The following LRP6 variants were observed in gnomAD, a reference collection of about 807,000 sequenced individuals.
The protein encoded by LRP6 is LDL receptor related protein 6, also known as low-density lipoprotein receptor-related protein 6.
LRP6 carries 43 observed loss-of-function variants against 184.1 expected under a neutral mutation model. That is an observed-to-expected ratio of 0.23 (90% CI 0.18 to 0.30). The LOEUF (loss-of-function observed/expected upper bound fraction) is 0.30. Ranked by LOEUF, LRP6 falls within the 10% of genes least tolerant of loss-of-function variation. LRP6 has a pLI of 1.00. For missense variants in LRP6, 1,571 were observed against 2,005.3 expected (o/e 0.78, Z 4.14); for synonymous variants, 719 against 684.9 (o/e 1.05, Z -0.78).
intron 12 of LRP6, among the ~76,000 whole-genome samples, chr12:12,152,437 C>T (rs1950094724): frequency 6.6e-6 from 1 of 152,120 alleles, no homozygotes; most frequent in Non-Finnish European, 1.5e-5. Flanking sequence ...CAGGTGCCCA[C>T]CACCATGCCC....
Position 12,266,988 on chromosome 12 carries a change from G to C in LRP6, c.-253C>G, listed in dbSNP as rs576434006. The stretch of plus-strand genomic sequence containing the variant: ...CCGCCGCCTCCTCCCCCGGCGCCCC[G>C]CTTCCCCCGCGCAGCTCCTCATTCA... On this transcript the variant is annotated 5_prime_UTR_variant, in exon 1 of 23. Coordinates refer to ENST00000261349, the MANE Select transcript of LRP6 (RefSeq NM_002336.3). 2 of 530,146 alleles carry C rather than the reference G, an allele frequency of 3.8e-6. No homozygotes were observed. The highest frequency in any genetic ancestry group is 6.6e-6 in the Non-Finnish European group (2 of 303,858). 32.8% of individuals were successfully genotyped at this position (530,146 alleles called of 1,614,324 possible).
chr12:12,157,929 T>C (rs187869068), intron 12 of LRP6, among the ~76,000 whole-genome samples: 1 of 152,162 alleles, frequency 6.6e-6, no homozygotes, highest in East Asian at 1.9e-4. Flanking sequence ...GTTGTTAGTG[T>C]TATGTGTGTA....
At chr12:12,154,231 T>G (rs1950119628) in intron 12 of LRP6, among the ~76,000 whole-genome samples, 1 of 145,894 alleles carries the variant, frequency 6.9e-6, no homozygotes, top group South Asian at 2.3e-4. Flanking sequence ...ACCTTTTGCA[T>G]TTACTATCCC....
chr12:12,118,762 A>G lies in LRP6; in HGVS notation c.*2364T>C, dbSNP rs1016552647. 5 of 152,234 alleles carry G rather than the reference A, an allele frequency of 3.3e-5. No individual in the cohort carries two copies. Among genetic ancestry groups the G allele is most frequent in the Admixed American group, 6.5e-5 (1 of 15,286 alleles). The allele number at this position is 152,234 out of a possible 1,614,324, so 9.4% of individuals were successfully genotyped here. A position where few individuals can be genotyped will look rare whatever the true frequency, so the allele number is the denominator to read the frequency against. On this transcript the variant is annotated 3_prime_UTR_variant, in exon 23 of 23. Transcript: ENST00000261349. Reference sequence around the variant, plus strand: ...GAAAGAGAACACTGAGATTAGGCTGAACTGCCTTCAAATAATTTTAAACAA... The same window carrying G: ...GAAAGAGAACACTGAGATTAGGCTGGACTGCCTTCAAATAATTTTAAACAA...
chr12:12,129,524 G>A (rs1164994803), intron 19 of LRP6, among the ~76,000 whole-genome samples: 1 of 152,014 alleles, frequency 6.6e-6, no homozygotes, highest in Admixed American at 6.6e-5. Flanking sequence ...TCTACATGAT[G>A]AACACTATTC....
At chr12:12,246,220 G>C (rs1347994322) in intron 1 of LRP6, among the ~76,000 whole-genome samples, 1 of 151,620 alleles carries the variant, frequency 6.6e-6, no homozygotes, top group Non-Finnish European at 1.5e-5. Context: ...TGACCAGGCT[G>C]GTCTTGAACT....
intron 16 of LRP6, 95 bp from the exon 17 acceptor site, chr12:12,135,395 AT>A: frequency 2.6e-6 from 2 of 754,774 alleles, no homozygotes; most frequent in Middle Eastern, 2.7e-4. Context: ...TGTCAAAACT[AT>A]TTATGAAAAT....
chr12:12,188,079 G>A (rs575925703), intron 3 of LRP6, among the ~76,000 whole-genome samples: 2 of 152,076 alleles, frequency 1.3e-5, no homozygotes, highest in African/African-American at 4.8e-5. Context: ...AGGCGTGGTG[G>A]TGGGCGCCTG....
rs768569381 is a variant in LRP6 at position 12,121,079 on chromosome 12, T to C, written c.*47A>G. On this transcript the variant is annotated 3_prime_UTR_variant, in exon 23 of 23. Coordinates refer to ENST00000261349, the MANE Select transcript of LRP6 (RefSeq NM_002336.3). ...CCCCTCCAGATCTCAACCAAATTTA[T>C]ATTTACATTTTTACGTTGGAGGCAG... 3.3e-6 allele frequency: 5 copies of C among 1,518,326 alleles called. No homozygotes were observed. In the Middle Eastern group the frequency reaches 7.2e-4, roughly 217 times the overall value. The allele number at this position is 1,518,326 out of a possible 1,614,324, so 94.1% of individuals were successfully genotyped here.
Position 12,193,259 on chromosome 12 carries a change from TAGAAA to T in LRP6, c.648-6145_648-6141del, listed in dbSNP as rs1174543318. Among the ~76,000 whole-genome samples the T allele has an allele frequency of 4.0e-5, 6 of 151,438 alleles. No homozygotes were observed. In the South Asian group the frequency reaches 1.2e-3, roughly 31 times the overall value. ...GTATATAGAATACTAATGCCTATAC[TAGAAA>T]AGAAGAGAGATTACAAATCAATTAT... On this transcript the variant is annotated intron_variant, in intron 3 of 22. Coordinates refer to ENST00000261349, the MANE Select transcript of LRP6 (RefSeq NM_002336.3).
intron 2 of LRP6, among the ~76,000 whole-genome samples, chr12:12,233,476 A>G (rs1386577602): frequency 6.6e-6 from 1 of 152,174 alleles, no homozygotes; most frequent in Non-Finnish European, 1.5e-5. Flanking sequence ...TCAAAAAAAT[A>G]AATGAATGAA....
At chr12:12,152,580 T>C (rs1405443565) in intron 12 of LRP6, among the ~76,000 whole-genome samples, 2 of 152,194 alleles carry the variant, frequency 1.3e-5, no homozygotes, top group Admixed American at 1.3e-4. Flanking sequence ...CCACCATGCC[T>C]GGCCAAGAAT....
At chr12:12,130,731 A>T in intron 19 of LRP6, 52 bp downstream of exon 19, 1 of 1,146,728 alleles carries the variant, frequency 8.7e-7, no homozygotes, top group Non-Finnish European at 1.3e-6. Flanking sequence ...TAAGAAAAAA[A>T]ATTGTTTAAA....
chr12:12,267,013 A>G lies in LRP6; in HGVS notation c.-278T>C, dbSNP rs970223471. 2.0e-5 allele frequency: 10 copies of G among 492,558 alleles called. No individual in the cohort carries two copies. Among genetic ancestry groups the G allele is most frequent in the Non-Finnish European group, 3.6e-5 (10 of 280,982 alleles). 30.5% of individuals were successfully genotyped at this position (492,558 alleles called of 1,614,324 possible). A position where few individuals can be genotyped will look rare whatever the true frequency, so the allele number is the denominator to read the frequency against. On this transcript the variant is annotated 5_prime_UTR_variant, in exon 1 of 23. Coordinates refer to ENST00000261349, the MANE Select transcript of LRP6 (RefSeq NM_002336.3). Reference sequence around the variant, plus strand: ...GCTTCCCCCGCGCAGCTCCTCATTCAGCCTCTGCCTCGCGCAGCGGCGCAG... The same window carrying G: ...GCTTCCCCCGCGCAGCTCCTCATTCGGCCTCTGCCTCGCGCAGCGGCGCAG...
chr12:12,203,147 G>A, intron 3 of LRP6, 56 bp downstream of exon 3: 1 of 1,238,468 alleles, frequency 8.1e-7, no homozygotes, highest in Non-Finnish European at 1.1e-6. Context: ...GCTTTGTAAT[G>A]TATCAAGGCT....
At position 12,120,019 on chromosome 12, in the gene LRP6, ATATATATATATATATATATATAT is replaced by A. The variant is rs1949580474; in HGVS notation, c.*1084_*1106del. ...TATATATATATATATATATATATAT[ATATATATATATATATATATATAT>A]AAATGATTTCGTACTGTGATATATG... On this transcript the variant is annotated 3_prime_UTR_variant, in exon 23 of 23. Transcript: ENST00000261349. The A allele has an allele frequency of 2.8e-5, 3 of 108,084 alleles. No homozygotes were observed. Among genetic ancestry groups the A allele is most frequent in the African/African-American group, 9.4e-5 (3 of 31,928 alleles). The allele number at this position is 108,084 out of a possible 1,614,324, so 6.7% of individuals were successfully genotyped here.
chr12:12,181,095 T>A lies in LRP6; in HGVS notation c.1321A>T (p.Ile441Phe), dbSNP rs774633281. ...CGGGGTTCCTCTAAGTCCTCTGAAA[T>A]CAAGATCTTCCTCATGGTCCCATTG... is the stretch of plus-strand genomic sequence containing the variant. ...RLNGTMRKIL[I>F]SEDLEEPRAI... Residue 441 changes from isoleucine (I) to phenylalanine (F), a missense_variant, in exon 6 of 23, where the codon ATT (isoleucine) becomes TTT (phenylalanine). Ile to Phe is a conservative substitution (Grantham distance 21). Around this residue, in one of 4 missense-constraint regions of LRP6, gnomAD observed 640 missense variants for 851.9 expected, o/e 0.75. Transcript: ENST00000261349. 2.0e-5 allele frequency: 33 copies of A among 1,613,996 alleles called. No individual in the cohort carries two copies. Among genetic ancestry groups the A allele is most frequent in the Non-Finnish European group, 2.6e-5 (31 of 1,179,988 alleles).
chr12:12,249,263 G>C (rs1028251098), intron 1 of LRP6: 14 of 958,944 alleles, frequency 1.5e-5, no homozygotes, highest in Admixed American at 5.4e-5. Flanking sequence ...AATATGAATG[G>C]AGTTAATAGT....
intron 2 of LRP6, among the ~76,000 whole-genome samples, chr12:12,224,199 C>T (rs191458220): frequency 6.6e-6 from 1 of 152,280 alleles, no homozygotes; most frequent in Non-Finnish European, 1.5e-5. Flanking sequence ...TTTTAAAATT[C>T]GTATTCATTA....
Sources: gnomAD v4.1 joint callset for allele counts (sites outside exome capture counted in the v4.1 genomes callset) on GRCh38, gnomAD v4.1.1 for gene constraint, gnomAD v4.1.1 regional missense constraint, MANE v1.5 for transcripts, NCBI Gene and HGNC (gene_info 2026-07-23, HGNC 2026-07-21) for gene names.